WASF3: variants seen among roughly 807,000 people sequenced by gnomAD.
WASF3 encodes WASP family member 3.
WASF3 carries 11 observed loss-of-function variants against 46.6 expected under a neutral mutation model. The ratio of observed to expected loss-of-function variants is 0.24; its 90% confidence interval spans 0.15 to 0.39. The LOEUF (loss-of-function observed/expected upper bound fraction) is 0.39. WASF3 is among the 10% of genes least tolerant of loss of function. WASF3 has a pLI of 1.00. For synonymous variants in WASF3, 242 were observed against 259.7 expected, an observed-to-expected ratio of 0.93 and a Z score of 0.65; for missense variants, 576 against 669.8, an observed-to-expected ratio of 0.86 and a Z score of 1.55.
At chr13:26,594,045 A>C (rs1358679442) in intron 1 of WASF3, among the ~76,000 whole-genome samples, 7 of 152,240 alleles carry the variant, frequency 4.6e-5, no homozygotes, top group African/African-American at 1.7e-4. Flanking sequence ...AATTAGTTAC[A>C]TTGATTTAGG....
At chr13:26,559,992 A>G (rs1327554552) in intron 1 of WASF3, among the ~76,000 whole-genome samples, 1 of 150,452 alleles carries the variant, frequency 6.6e-6, no homozygotes, top group Non-Finnish European at 1.5e-5. Flanking sequence ...TAATTTTTGT[A>G]CTTTTAGTAG....
chr13:26,550,222 T>A, the WASF3 span, among the ~76,000 whole-genome samples: 5 of 152,260 alleles, frequency 3.3e-5, no homozygotes, highest in Non-Finnish European at 7.3e-5. Flanking sequence ...TTGATTTTTT[T>A]AAAATTCCTT....
At chr13:26,642,113 T>C (rs927622579) in intron 2 of WASF3, 148 bp from the exon 3 acceptor site, 1 of 734,780 alleles carries the variant, frequency 1.4e-6, no homozygotes, top group East Asian at 3.0e-5. Context: ...AGTAATTCAC[T>C]GTTTGTTGCA....
chr13:26,599,799 T>A (rs1292344048), intron 1 of WASF3, among the ~76,000 whole-genome samples: 1 of 152,232 alleles, frequency 6.6e-6, no homozygotes, highest in Non-Finnish European at 1.5e-5. Flanking sequence ...CTATCCACAT[T>A]TTCTAAATCC....
intron 1 of WASF3, among the ~76,000 whole-genome samples, chr13:26,582,112 C>T (rs1269691422): frequency 6.6e-6 from 1 of 152,172 alleles, no homozygotes; most frequent in Non-Finnish European, 1.5e-5. Flanking sequence ...TTCTTTTTCA[C>T]TTCCAATAAA....
chr13:26,679,915 C>G lies in WASF3; in HGVS notation c.717-1139C>G. 8.3e-7 allele frequency: 1 copy of G among 1,208,086 alleles called. No homozygotes were observed. The highest frequency in any genetic ancestry group is 1.5e-5 in the African/African-American group (1 of 65,020). 74.8% of individuals were successfully genotyped at this position (1,208,086 alleles called of 1,614,324 possible). ...GTCTCTTCTCATTTGGAAGGCTTTTCTGTGCCACATGGTGCCCCAGTTAAG... is the reference window on the plus strand; with the variant it reads ...GTCTCTTCTCATTTGGAAGGCTTTTGTGTGCCACATGGTGCCCCAGTTAAG... On this transcript the variant is annotated intron_variant, in intron 7 of 9. Transcript: ENST00000335327. This position sits in a 1 kb window ranked among gnomAD's most constrained non-coding sequence, Gnocchi z 4.8.
At chr13:26,571,601 G>A (rs1349626895) in intron 1 of WASF3, among the ~76,000 whole-genome samples, 2 of 152,084 alleles carry the variant, frequency 1.3e-5, no homozygotes, top group African/African-American at 2.4e-5. Context: ...TGTTCTGTCT[G>A]TTCATATGCT....
At chr13:26,539,283 C>A in the WASF3 span, among the ~76,000 whole-genome samples, 18 of 152,204 alleles carry the variant, frequency 1.2e-4, no homozygotes, top group South Asian at 2.1e-4. Flanking sequence ...GTAGCTGAGT[C>A]TGGGGGGCTG....
intron 1 of WASF3, among the ~76,000 whole-genome samples, chr13:26,597,501 C>T (rs1382400785): frequency 6.6e-6 from 1 of 151,280 alleles, no homozygotes; most frequent in Admixed American, 6.6e-5. Context: ...TTTTATTATA[C>T]TTTAAGTTTT....
intron 1 of WASF3, among the ~76,000 whole-genome samples, chr13:26,602,615 T>C (rs1256347412): frequency 1.3e-5 from 2 of 152,206 alleles, no homozygotes; most frequent in African/African-American, 4.8e-5. Context: ...ATGAATCTCT[T>C]TGTTATAGTG....
chr13:26,597,205 C>T (rs1340138150), intron 1 of WASF3, among the ~76,000 whole-genome samples: 1 of 152,128 alleles, frequency 6.6e-6, no homozygotes, highest in East Asian at 1.9e-4. Context: ...CAATCTCATC[C>T]CACTGCAACC....
intron 1 of WASF3, among the ~76,000 whole-genome samples, chr13:26,584,915 G>C (rs1289114302): frequency 6.6e-6 from 1 of 152,146 alleles, no homozygotes; most frequent in Non-Finnish European, 1.5e-5. Flanking sequence ...TTACTCTGCT[G>C]ATAGTTCTGA....
rs1883439136 is a variant in WASF3 at position 26,687,359 on chromosome 13, T to C, written c.*1514T>C. The C allele has an allele frequency of 6.6e-6, 1 of 152,240 alleles. No individual in the cohort carries two copies. The highest frequency in any genetic ancestry group is 2.4e-5 in the African/African-American group (1 of 41,458). 9.4% of individuals were successfully genotyped at this position (152,240 alleles called of 1,614,324 possible). A position where few individuals can be genotyped will look rare whatever the true frequency, so the allele number is the denominator to read the frequency against. On this transcript the variant is annotated 3_prime_UTR_variant, in exon 10 of 10. Transcript: ENST00000335327. Reference sequence around the variant, plus strand: ...GAGATGTTTGAGGTGACGGTAGGAATGTGAGCAGGATGGTGATGGGGGTTT... The same window carrying C: ...GAGATGTTTGAGGTGACGGTAGGAACGTGAGCAGGATGGTGATGGGGGTTT...
At chr13:26,551,380 G>C in the WASF3 span, among the ~76,000 whole-genome samples, 1 of 152,152 alleles carries the variant, frequency 6.6e-6, no homozygotes, top group African/African-American at 2.4e-5. Context: ...ATCTAAGTCT[G>C]ATGCCTTGGA....
At chr13:26,600,552 C>T (rs1880613220) in intron 1 of WASF3, among the ~76,000 whole-genome samples, 1 of 152,146 alleles carries the variant, frequency 6.6e-6, no homozygotes, top group Admixed American at 6.6e-5. Context: ...CAGAGACAAT[C>T]CTGGTTAGCT....
At chr13:26,597,668 A>C (rs901144270) in intron 1 of WASF3, among the ~76,000 whole-genome samples, 2 of 151,784 alleles carry the variant, frequency 1.3e-5, no homozygotes, top group African/African-American at 4.8e-5. Context: ...TCCTGTGTCC[A>C]TGTGTTCTCA....
chr13:26,683,696 G>T (rs934314701), intron 9 of WASF3, among the ~76,000 whole-genome samples: 1 of 152,058 alleles, frequency 6.6e-6, no homozygotes, highest in African/African-American at 2.4e-5. Flanking sequence ...TAAGCCAGTG[G>T]TTTTTCAGAA....
At chr13:26,626,287 G>A (rs1189230507) in intron 2 of WASF3, 2 of 152,344 alleles carry the variant, frequency 1.3e-5, no homozygotes, top group Non-Finnish European at 2.9e-5. Flanking sequence ...TCTTGCTGAA[G>A]ATAGCCAGGG....
chr13:26,578,329 T>A (rs1879863981), intron 1 of WASF3, among the ~76,000 whole-genome samples: 1 of 152,204 alleles, frequency 6.6e-6, no homozygotes, highest in African/African-American at 2.4e-5. Flanking sequence ...TTTTAATCAC[T>A]GTGATAAGTT....
Sources: allele counts gnomAD v4.1 joint callset (sites outside exome capture counted in the v4.1 genomes callset), GRCh38; gene constraint gnomAD v4.1.1; non-coding constraint Gnocchi (gnomAD v3.1); transcripts MANE v1.5; gene names NCBI Gene and HGNC (gene_info 2026-07-23, HGNC 2026-07-21).